EXT2: variants seen among roughly 807,000 people sequenced by gnomAD.
EXT2 encodes exostosin glycosyltransferase 2.
EXT2 carries 53 observed loss-of-function variants against 81.6 expected under a neutral mutation model. That is an observed-to-expected ratio of 0.65 (90% CI 0.52 to 0.82). EXT2 has a LOEUF of 0.82. Among genes scored for constraint, EXT2 ranks in the 40% least tolerant of loss-of-function variants. The probability of loss-of-function intolerance (pLI) is 0.00; values close to 1 mark genes in which losing one functional copy is unlikely to be tolerated. For synonymous variants in EXT2, 320 were observed against 340.0 expected, an observed-to-expected ratio of 0.94 and a Z score of 0.65; for missense variants, 774 against 910.2, an observed-to-expected ratio of 0.85 and a Z score of 1.93.
chr11:44,197,955 A>G lies in EXT2; in HGVS notation c.1432A>G (p.Lys478Glu). ...SLFRVITEVS[K>E]VPSLSKLLVV... ...CTTCCGGGTCATCACTGAAGTGTCCAAGGTGCCCAGTCTATCCAAACTACT... is the reference window on the plus strand; with the variant it reads ...CTTCCGGGTCATCACTGAAGTGTCCGAGGTGCCCAGTCTATCCAAACTACT... Residue 478 changes from lysine to glutamate, a missense_variant, in exon 9 of 14, where the codon AAG becomes GAG. Physicochemically the swap from Lys to Glu is moderately conservative, Grantham distance 56. Transcript: ENST00000533608. The G allele has an allele frequency of 6.2e-7, 1 of 1,614,100 alleles. No individual in the cohort carries two copies. Among genetic ancestry groups the G allele is most frequent in the African/African-American group, 1.3e-5 (1 of 75,024 alleles).
At chr11:44,108,442 T>C (rs925785961) in intron 2 of EXT2, among the ~76,000 whole-genome samples, 194 bp downstream of exon 2, 11 of 152,240 alleles carry the variant, frequency 7.2e-5, no homozygotes, top group Admixed American at 2.0e-4. Context: ...TGTGTGCCCG[T>C]GAAGAGTAGT....
At chr11:44,097,471 T>C (rs531113167) in intron 1 of EXT2, among the ~76,000 whole-genome samples, 57 of 152,068 alleles carry the variant, frequency 3.7e-4, no homozygotes, top group African/African-American at 1.3e-3. Flanking sequence ...GCCCCAGGAG[T>C]TCAGCTGTAA....
rs1278943910 is a variant in EXT2, at chr11:44,221,978, G to A, written c.1663-10375G>A. ...TGGAAATGTCACAACTGTGAAACAAGTCTCTAGAAAGCAAGATAAACTAAT... is the reference window on the plus strand; with the variant it reads ...TGGAAATGTCACAACTGTGAAACAAATCTCTAGAAAGCAAGATAAACTAAT... On this transcript the variant is annotated intron_variant, in intron 10 of 13. Coordinates refer to ENST00000533608, the MANE Select transcript of EXT2 (RefSeq NM_207122.2). Among the ~76,000 whole-genome samples the A allele has an allele frequency of 4.6e-5, 7 of 152,312 alleles. No individual in the cohort carries two copies. The East Asian group carries it at 1.2e-3, about 25-fold the overall frequency.
intron 8 of EXT2, among the ~76,000 whole-genome samples, chr11:44,189,555 G>A (rs1289585413): frequency 6.6e-6 from 1 of 152,160 alleles, no homozygotes; most frequent in African/African-American, 2.4e-5. Context: ...CATAGCTGGA[G>A]CAGGAGGAAG....
chr11:44,122,965 T>C (rs892844302), intron 4 of EXT2, among the ~76,000 whole-genome samples: 1 of 152,232 alleles, frequency 6.6e-6, no homozygotes, highest in African/African-American at 2.4e-5. Context: ...GGGAGTCTGC[T>C]GGTTCCTTTT....
At chr11:44,142,168 A>T (rs1055824531) in intron 7 of EXT2, among the ~76,000 whole-genome samples, 1 of 152,240 alleles carries the variant, frequency 6.6e-6, no homozygotes, top group Non-Finnish European at 1.5e-5. Flanking sequence ...TATTAAAATA[A>T]CTTACTATAT....
At chr11:44,126,328 A>G (rs1043423185) in intron 5 of EXT2, among the ~76,000 whole-genome samples, 1 of 152,232 alleles carries the variant, frequency 6.6e-6, no homozygotes, top group Non-Finnish European at 1.5e-5. Context: ...GTTAGATGCT[A>G]TGGGGGGTAG....
Position 44,108,262 on chromosome 11 carries a change from A to T in EXT2, c.536+14A>T. On this transcript the variant is annotated intron_variant, in intron 2 of 13. Transcript: ENST00000533608. ...CCAGCTCTCTAGGTATCTCACACTC[A>T]TACAGCCCAGCCCCCAGGAGATACT... The T allele has an allele frequency of 6.2e-7, 1 of 1,609,604 alleles. No individual in the cohort carries two copies. The highest frequency in any genetic ancestry group is 8.5e-7 in the Non-Finnish European group (1 of 1,179,606).
At chr11:44,152,800 T>A (rs1954809768) in intron 7 of EXT2, among the ~76,000 whole-genome samples, 2 of 152,220 alleles carry the variant, frequency 1.3e-5, no homozygotes, top group African/African-American at 4.8e-5. Flanking sequence ...TTTCTTCATA[T>A]GTATTGTTTT....
At chr11:44,134,966 A>G (rs888266589) in intron 7 of EXT2, among the ~76,000 whole-genome samples, 3 of 152,230 alleles carry the variant, frequency 2.0e-5, no homozygotes, top group African/African-American at 7.2e-5. Flanking sequence ...TTTTCAGTCT[A>G]TTACACTGAT....
At chr11:44,101,701 T>C (rs974942109) in intron 1 of EXT2, among the ~76,000 whole-genome samples, 2 of 152,134 alleles carry the variant, frequency 1.3e-5, no homozygotes, top group African/African-American at 4.8e-5. Flanking sequence ...TAGGACAAGA[T>C]TGACCTTAGG....
At chr11:44,120,075 A>G (rs1320780137) in intron 4 of EXT2, among the ~76,000 whole-genome samples, 1 of 152,256 alleles carries the variant, frequency 6.6e-6, no homozygotes, top group Non-Finnish European at 1.5e-5. Flanking sequence ...TGAAAATAAA[A>G]CAAAGGAGAA....
chr11:44,208,343 T>G (rs1383394348), intron 10 of EXT2, among the ~76,000 whole-genome samples: 3 of 152,140 alleles, frequency 2.0e-5, no homozygotes, highest in African/African-American at 7.2e-5. Context: ...GGGCTGTCTC[T>G]TAAGTATTTT....
intron 4 of EXT2, among the ~76,000 whole-genome samples, chr11:44,115,190 A>C (rs1239374527): frequency 2.0e-5 from 3 of 152,174 alleles, no homozygotes; most frequent in Non-Finnish European, 4.4e-5. Flanking sequence ...TTGTACGTGC[A>C]GTGAAGCTGA....
At chr11:44,181,325 A>G (rs1955233323) in intron 8 of EXT2, among the ~76,000 whole-genome samples, 1 of 152,122 alleles carries the variant, frequency 6.6e-6, no homozygotes, top group African/African-American at 2.4e-5. Context: ...GTGTTCTAAA[A>G]TTTTATGATG....
chr11:44,121,991 A>G (rs1386796704), intron 4 of EXT2, among the ~76,000 whole-genome samples: 1 of 152,088 alleles, frequency 6.6e-6, no homozygotes, highest in African/African-American at 2.4e-5. Flanking sequence ...CCATGCAGAA[A>G]TGCCCTCTGG....
chr11:44,119,159 TATATATATATAC>T lies in EXT2; in HGVS notation c.743+4860_743+4871del, dbSNP rs1246442116. Among the ~76,000 whole-genome samples, 8 of 44,376 alleles carry T rather than the reference TATATATATATAC, an allele frequency of 1.8e-4. 1 individual carries two copies. Among genetic ancestry groups the T allele is most frequent in the African/African-American group, 2.6e-4 (4 of 15,642 alleles). The allele number at this position is 44,376 out of a possible 152,430, so 29.1% of individuals were successfully genotyped here. On this transcript the variant is annotated intron_variant, in intron 4 of 13. Coordinates refer to ENST00000533608, the MANE Select transcript of EXT2 (RefSeq NM_207122.2). ...ATATATATATATATATATATATATA[TATATATATATAC>T]ACATACACACACACACACACACATT...
chr11:44,182,327 C>T (rs1187779190), intron 8 of EXT2, among the ~76,000 whole-genome samples: 1 of 151,950 alleles, frequency 6.6e-6, no homozygotes, highest in Non-Finnish European at 1.5e-5. Context: ...ACCAACTGTT[C>T]CTTATTTCTG....
chr11:44,229,703 T>A (rs999658839), intron 10 of EXT2, among the ~76,000 whole-genome samples: 21 of 152,236 alleles, frequency 1.4e-4, no homozygotes, highest in African/African-American at 5.1e-4. Flanking sequence ...GATATCACGT[T>A]ATTATTCATG....
Sources: gnomAD v4.1 joint callset for allele counts (sites outside exome capture counted in the v4.1 genomes callset) on GRCh38, gnomAD v4.1.1 for gene constraint, MANE v1.5 for transcripts, NCBI Gene and HGNC (gene_info 2026-07-23, HGNC 2026-07-21) for gene names.